STPG2: variants seen among roughly 807,000 people sequenced by gnomAD.
STPG2 encodes the protein sperm-tail PG-rich repeat-containing protein 2.
In STPG2, 56 loss-of-function variants were observed where a neutral mutation model predicts 54.2. That is an observed-to-expected ratio of 1.03 (90% CI 0.83 to 1.29). The LOEUF is 1.29. STPG2 is among the 50% of genes most tolerant of loss of function. The pLI is 0.00. For synonymous variants in STPG2, 200 were observed against 181.8 expected (o/e 1.10, Z -0.81); for missense variants, 596 against 544.9 (o/e 1.09, Z -0.93).
intron 4 of STPG2, among the ~76,000 whole-genome samples, chr4:97,450,699 T>A (rs948860697): frequency 6.6e-6 from 1 of 152,150 alleles, no homozygotes. Flanking sequence ...ATAGGCCTCA[T>A]GAGGGATAGT....
chr4:98,106,070 G>GA lies in STPG2; in HGVS notation c.501-7dup, dbSNP rs1739180500. On this transcript the variant is annotated splice_polypyrimidine_tract_variant and splice_region_variant and intron_variant, in intron 4 of 10. Transcript: ENST00000295268. ...CATAATATGATGTCTTTTTCCTTCAGAAAATTCAAATAGAAATTAAGAATT... is the reference window on the plus strand; with the variant it reads ...CATAATATGATGTCTTTTTCCTTCAGAAAAATTCAAATAGAAATTAAGAATT... 2.1e-6 allele frequency: 3 copies of GA among 1,405,854 alleles called. No individual in the cohort carries two copies. The East Asian group carries it at 7.4e-5, about 34-fold the overall frequency. 87.1% of individuals were successfully genotyped at this position (1,405,854 alleles called of 1,614,324 possible).
chr4:97,657,739 T>G (rs1722255115), intron 10 of STPG2, among the ~76,000 whole-genome samples: 1 of 152,216 alleles, frequency 6.6e-6, no homozygotes, highest in Admixed American at 6.5e-5. Context: ...CCAGTTCAAG[T>G]CATTTATTTT....
chr4:97,633,670 G>C (rs1466202390), intron 10 of STPG2: 1 of 152,880 alleles, frequency 6.5e-6, no homozygotes, highest in African/African-American at 2.4e-5. Context: ...GCGAGGCATT[G>C]CCTCACTCGG....
intron 5 of STPG2, among the ~76,000 whole-genome samples, chr4:97,994,356 T>C (rs1735128216): frequency 6.6e-6 from 1 of 152,236 alleles, no homozygotes; most frequent in South Asian, 2.1e-4. Context: ...CATTTTGTTT[T>C]AATTTGTTGA....
At chr4:97,778,908 A>G (rs622724) in intron 9 of STPG2, among the ~76,000 whole-genome samples, 24,412 of 152,054 alleles carry the variant, frequency 0.16, 2,089 homozygotes, top group East Asian at 0.35. Context: ...CAGAAAGGAC[A>G]TCCACACCAA....
intron 8 of STPG2, among the ~76,000 whole-genome samples, chr4:97,870,710 C>T (rs1476715513): frequency 1.3e-5 from 2 of 151,124 alleles, no homozygotes; most frequent in African/African-American, 4.8e-5. Context: ...TAGGTAGAAG[C>T]ATACTAGTAG....
intron 8 of STPG2, among the ~76,000 whole-genome samples, chr4:97,863,159 C>T (rs142040824): frequency 0.16 from 24,528 of 151,762 alleles, 2,141 homozygotes; most frequent in East Asian, 0.36. Context: ...AATCCAGGAG[C>T]CAGTTTTTTG....
At position 97,703,281 on chromosome 4, in the gene STPG2, C is replaced by A. The variant is rs117466463; in HGVS notation, c.1320+9418G>T. On this transcript the variant is annotated intron_variant, in intron 10 of 10. Coordinates refer to ENST00000295268, the MANE Select transcript of STPG2 (RefSeq NM_174952.3). Reference sequence around the variant, plus strand: ...TCATATTAAGCAGCCAACTCTAGAACCCCAAAACCAGCAAAAGAACTCGAT... The same window carrying A: ...TCATATTAAGCAGCCAACTCTAGAAACCCAAAACCAGCAAAAGAACTCGAT... Among the ~76,000 whole-genome samples the A allele has an allele frequency of 1.5e-3, 224 of 151,204 alleles. 2 individuals carry two copies. The East Asian group carries it at 0.038, about 26-fold the overall frequency.
At chr4:97,904,619 C>A (rs181237273) in intron 8 of STPG2, among the ~76,000 whole-genome samples, 2 of 152,168 alleles carry the variant, frequency 1.3e-5, no homozygotes, top group Non-Finnish European at 2.9e-5. Context: ...ATGACTTTGA[C>A]GAGCTGATAG....
intron 4 of STPG2, among the ~76,000 whole-genome samples, chr4:97,538,211 T>C (rs1022175459): frequency 2.6e-5 from 4 of 152,192 alleles, no homozygotes; most frequent in Admixed American, 2.0e-4. Flanking sequence ...TTTGACGAGT[T>C]GAGAGAAGAA....
At chr4:97,827,704 A>T (rs1020258363) in intron 9 of STPG2, among the ~76,000 whole-genome samples, 30 of 152,208 alleles carry the variant, frequency 2.0e-4, no homozygotes, top group African/African-American at 7.2e-4. Flanking sequence ...CTCTTTTGTA[A>T]CAGGACACAA....
chr4:97,495,841 G>A (rs945621961), intron 4 of STPG2, among the ~76,000 whole-genome samples: 9 of 151,228 alleles, frequency 6.0e-5, no homozygotes, highest in African/African-American at 1.9e-4. Flanking sequence ...GTAAATAAAT[G>A]GCTGAATTAA....
At chr4:97,819,974 GT>G (rs1198090788) in intron 9 of STPG2, among the ~76,000 whole-genome samples, 2 of 150,018 alleles carry the variant, frequency 1.3e-5, no homozygotes, top group Admixed American at 6.7e-5. Context: ...TTTGTTTTTT[GT>G]TTTTTTTTAA....
chr4:97,541,137 AGG>A (rs1731692496), intron 4 of STPG2, among the ~76,000 whole-genome samples: 1 of 152,196 alleles, frequency 6.6e-6, no homozygotes, highest in African/African-American at 2.4e-5. Context: ...AGGCAGGAGA[AGG>A]AAATAAAGGG....
chr4:98,126,933 T>C (rs1468479892), intron 3 of STPG2, among the ~76,000 whole-genome samples: 1 of 152,022 alleles, frequency 6.6e-6, no homozygotes, highest in Non-Finnish European at 1.5e-5. Flanking sequence ...TTTCAAAATA[T>C]TAAATTATTT....
chr4:97,887,967 C>A (rs957849651), intron 8 of STPG2, among the ~76,000 whole-genome samples: 1 of 152,172 alleles, frequency 6.6e-6, no homozygotes, highest in Non-Finnish European at 1.5e-5. Flanking sequence ...CAGGCCACTG[C>A]TTCAGAGGAT....
chr4:97,699,511 A>G (rs1578490089), intron 10 of STPG2, among the ~76,000 whole-genome samples: 1 of 152,158 alleles, frequency 6.6e-6, no homozygotes, highest in Non-Finnish European at 1.5e-5. Flanking sequence ...CAAGTCCCTG[A>G]CCATCCAGCC....
intron 4 of STPG2, among the ~76,000 whole-genome samples, chr4:97,552,506 G>C (rs1731987131): frequency 6.6e-6 from 1 of 151,830 alleles, no homozygotes; most frequent in African/African-American, 2.4e-5. Context: ...ATACTTTTTA[G>C]AACTAGATAT....
intron 6 of STPG2, among the ~76,000 whole-genome samples, chr4:97,979,271 C>A (rs1734592289): frequency 7.6e-6 from 1 of 131,130 alleles, no homozygotes; most frequent in South Asian, 2.5e-4. Flanking sequence ...GATGACTCAG[C>A]AGAACCAAGA....
Sources: gnomAD v4.1 joint callset for allele counts (sites outside exome capture counted in the v4.1 genomes callset) on GRCh38, gnomAD v4.1.1 for gene constraint, MANE v1.5 for transcripts, NCBI Gene and HGNC (gene_info 2026-07-23, HGNC 2026-07-21) for gene names.